Variants in TENM4 observed in about 807,000 individuals in gnomAD.
TENM4 encodes teneurin transmembrane protein 4.
TENM4 carries 82 observed loss-of-function variants against 243.3 expected under a neutral mutation model. The observed-to-expected ratio is 0.34, with a 90% CI of 0.28 to 0.40. The LOEUF is 0.40. TENM4 is among the 10% of genes least tolerant of loss of function. The pLI, the probability that TENM4 is intolerant of heterozygous loss-of-function variation, is 1.00. For missense variants in TENM4, 3,138 were observed against 3,673.3 expected (o/e 0.85, Z 3.77); for synonymous variants, 1,412 against 1,456.3 (o/e 0.97, Z 0.69).
chr11:79,220,427 C>T (rs1049335192), intron 2 of TENM4, among the ~76,000 whole-genome samples: 7 of 152,072 alleles, frequency 4.6e-5, no homozygotes, highest in African/African-American at 9.7e-5. Flanking sequence ...AGCTGTGCAG[C>T]GTTGGCCAAA....
Position 78,805,277 on chromosome 11 carries a change from T to TACCC in TENM4, c.2179+14_2179+15insGGGT. ...CCCCTCCCTCTACCCATGCTTCTTC[T>TACCC]CCCCCTGCATTTACCGATAGAACAG... On this transcript the variant is annotated intron_variant, in intron 15 of 33. Transcript: ENST00000278550. The TACCC allele has an allele frequency of 2.9e-6, 4 of 1,402,548 alleles. No individual in the cohort carries two copies. The highest frequency in any genetic ancestry group is 2.9e-6 in the Non-Finnish European group (3 of 1,033,114). The allele number at this position is 1,402,548 out of a possible 1,614,324, so 86.9% of individuals were successfully genotyped here.
chr11:79,429,457 C>G (rs749751496), intron 1 of TENM4, among the ~76,000 whole-genome samples: 3 of 152,110 alleles, frequency 2.0e-5, no homozygotes, highest in Non-Finnish European at 4.4e-5. Flanking sequence ...ATGCCAGGAG[C>G]TACCATTCAC....
At chr11:78,859,001 T>A (rs1858747649) in intron 10 of TENM4, among the ~76,000 whole-genome samples, 1 of 152,190 alleles carries the variant, frequency 6.6e-6, no homozygotes, top group Admixed American at 6.5e-5. Context: ...CCATCTTTAT[T>A]TATTAAAATA....
intron 32 of TENM4, among the ~76,000 whole-genome samples, chr11:78,666,576 A>T (rs1858163891): frequency 6.6e-6 from 1 of 152,236 alleles, no homozygotes; most frequent in African/African-American, 2.4e-5. Context: ...ACCTAAACTG[A>T]AAATGTTAGG....
intron 12 of TENM4, among the ~76,000 whole-genome samples, chr11:78,851,811 C>A (rs1858546131): frequency 6.6e-6 from 1 of 152,202 alleles, no homozygotes; most frequent in South Asian, 2.1e-4. Flanking sequence ...ACAGGCTATA[C>A]TGTTAGCCTT....
chr11:78,748,190 T>C (rs1245878103), intron 19 of TENM4, among the ~76,000 whole-genome samples: 1 of 152,242 alleles, frequency 6.6e-6, no homozygotes, highest in Non-Finnish European at 1.5e-5. Flanking sequence ...ATTACTGCTA[T>C]TTAGTGACAG....
chr11:79,089,006 A>G (rs1224853324), intron 4 of TENM4, among the ~76,000 whole-genome samples: 1 of 152,126 alleles, frequency 6.6e-6, no homozygotes, highest in Non-Finnish European at 1.5e-5. Flanking sequence ...GCAGACCCAC[A>G]TGGTCATCTG....
Position 78,702,208 on chromosome 11 carries a change from A to C in TENM4, c.4405T>G (p.Ser1469Ala). 1 of 1,613,882 alleles carries C rather than the reference A, an allele frequency of 6.2e-7. No individual in the cohort carries two copies. The highest frequency in any genetic ancestry group is 8.5e-7 in the Non-Finnish European group (1 of 1,179,866). The change falls in exon 28 of 34, where the codon TCA becomes GCA. Residue 1469 changes from serine (S) to alanine (A), a missense_variant. By Grantham distance (99) the Ser-to-Ala change is moderately conservative. Coordinates refer to ENST00000278550, the MANE Select transcript of TENM4 (RefSeq NM_001098816.3). ...TGTGAAACAGCCAAAGCGGTGGCTG[A>C]CTCCAGGGTTGCGTGGATGGCCACC... ...SKVAIHATLESATALAVSHNG... is the reference protein window; with the variant it reads ...SKVAIHATLEAATALAVSHNG...
intron 6 of TENM4, among the ~76,000 whole-genome samples, chr11:79,058,283 C>A (rs1337233458): frequency 6.6e-6 from 1 of 152,160 alleles, no homozygotes; most frequent in African/African-American, 2.4e-5. Context: ...GTGGCTCACG[C>A]CTGTAATCCC....
At chr11:79,233,670 G>A (rs1864410940) in intron 2 of TENM4, among the ~76,000 whole-genome samples, 1 of 152,084 alleles carries the variant, frequency 6.6e-6, no homozygotes, top group Non-Finnish European at 1.5e-5. Context: ...ATGGGGAGAG[G>A]AGATCGCCAG....
At chr11:79,419,401 C>T (rs1223929065) in intron 1 of TENM4, among the ~76,000 whole-genome samples, 2 of 152,158 alleles carry the variant, frequency 1.3e-5, no homozygotes, top group African/African-American at 2.4e-5. Flanking sequence ...TCCATGTTCC[C>T]AATGGCACCC....
chr11:79,233,019 G>A (rs910695600), intron 2 of TENM4, among the ~76,000 whole-genome samples: 1 of 152,196 alleles, frequency 6.6e-6, no homozygotes, highest in Non-Finnish European at 1.5e-5. Context: ...CTCTAGGCTT[G>A]TTGGGCATTT....
At chr11:79,285,520 G>T (rs1173719432) in intron 2 of TENM4, among the ~76,000 whole-genome samples, 1 of 152,086 alleles carries the variant, frequency 6.6e-6, no homozygotes, top group East Asian at 1.9e-4. Flanking sequence ...ATACCCCAAA[G>T]AACTGAAATT....
At chr11:78,818,624 A>G (rs1219394896) in intron 12 of TENM4, among the ~76,000 whole-genome samples, 2 of 152,250 alleles carry the variant, frequency 1.3e-5, no homozygotes, top group Non-Finnish European at 2.9e-5. Flanking sequence ...GGATCCCACA[A>G]ATAATGAGTC....
At chr11:78,686,765 G>GA (rs1179822373) in intron 29 of TENM4, among the ~76,000 whole-genome samples, 1 of 152,184 alleles carries the variant, frequency 6.6e-6, no homozygotes, top group Non-Finnish European at 1.5e-5. Context: ...ACGAAACACT[G>GA]AGTTTTCCTC....
chr11:78,935,819 A>C (rs1442828243), intron 6 of TENM4, among the ~76,000 whole-genome samples: 1 of 152,236 alleles, frequency 6.6e-6, no homozygotes, highest in Non-Finnish European at 1.5e-5. Flanking sequence ...ACTTATTTTT[A>C]AAATCCCAGG....
At chr11:79,437,310 C>A (rs956469810) in intron 1 of TENM4, among the ~76,000 whole-genome samples, 5 of 152,242 alleles carry the variant, frequency 3.3e-5, no homozygotes, top group Non-Finnish European at 7.3e-5. Flanking sequence ...AGTGAAAACA[C>A]CCCTCGTAAC....
rs1555098074 is a variant in TENM4, at chr11:78,895,005, A to AAAAAG, written c.750-3670_750-3669insCTTTT. Reference sequence around the variant, plus strand: ...AAAAAAAAAAAAAAAAAAAAAAAAAAAAGAAGACAATTCTGGCTATTCAGA... The same window carrying AAAAAG: ...AAAAAAAAAAAAAAAAAAAAAAAAAAAAAAGAAGAAGACAATTCTGGCTATTCAGA... On this transcript the variant is annotated intron_variant, in intron 7 of 33. Transcript: ENST00000278550. Among the ~76,000 whole-genome samples, 24 of 118,044 alleles carry AAAAAG rather than the reference A, an allele frequency of 2.0e-4. 3 individuals are homozygous for AAAAAG. The highest frequency in any genetic ancestry group is 7.1e-4 in the Admixed American group (7 of 9,896). 77.4% of individuals were successfully genotyped at this position (118,044 alleles called of 152,430 possible).
At chr11:79,090,924 C>T (rs1372604971) in intron 4 of TENM4, among the ~76,000 whole-genome samples, 2 of 152,206 alleles carry the variant, frequency 1.3e-5, no homozygotes, top group Non-Finnish European at 2.9e-5. Context: ...CATCCCAGAT[C>T]CTGCTGAAGG....
Sources: gnomAD v4.1 joint callset for allele counts (sites outside exome capture counted in the v4.1 genomes callset) on GRCh38, gnomAD v4.1.1 for gene constraint, MANE v1.5 for transcripts, NCBI Gene and HGNC (gene_info 2026-07-23, HGNC 2026-07-21) for gene names.